The following MACROD1 variants were observed in gnomAD, a reference collection of about 807,000 sequenced individuals.
MACROD1 encodes mono-ADP ribosylhydrolase 1, also known as ADP-ribose glycohydrolase MACROD1.
In MACROD1, 31 loss-of-function variants were observed where a neutral mutation model predicts 41.4. The observed-to-expected ratio is 0.75, with a 90% CI of 0.56 to 1.01. MACROD1 has a LOEUF of 1.01. Ranked by LOEUF, MACROD1 falls within the 50% of genes least tolerant of loss-of-function variation. The probability of loss-of-function intolerance (pLI) is 0.00; values close to 1 mark genes in which losing one functional copy is unlikely to be tolerated. For missense variants in MACROD1, 473 were observed against 460.0 expected (o/e 1.03, Z -0.26); for synonymous variants, 252 against 203.4 (o/e 1.24, Z -2.03).
chr11:64,098,290 C>T lies in MACROD1; in HGVS notation c.517+52949G>A, dbSNP rs1259091544. Among the ~76,000 whole-genome samples, 5 of 152,334 alleles carry T rather than the reference C, an allele frequency of 3.3e-5. No individual in the cohort carries two copies. In the South Asian group the frequency reaches 6.2e-4, roughly 19 times the overall value. The stretch of plus-strand genomic sequence containing the variant: ...CCAGGCTCCGGGCCCTGCTTCAGCT[C>T]GGATCACGGCCCTCCACTCACTCAG... On this transcript the variant is annotated intron_variant, in intron 3 of 10. Transcript: ENST00000255681.
At chr11:64,151,200 G>A (rs1203336630) in intron 3 of MACROD1, 39 bp downstream of exon 3, 1 of 1,552,414 alleles carries the variant, frequency 6.4e-7, no homozygotes, top group South Asian at 1.1e-5. Flanking sequence ...AAAGGCAACA[G>A]GGCGGCCACC....
At chr11:64,117,688 G>A (rs774187338) in intron 3 of MACROD1, 2 of 1,613,632 alleles carry the variant, frequency 1.2e-6, no homozygotes, top group Non-Finnish European at 1.7e-6. Context: ...CTGGGCCACA[G>A]CCCAGCCGTG....
chr11:64,004,426 C>T lies in MACROD1; in HGVS notation c.548-4083G>A, dbSNP rs556742591. ...AGATTAGATATTTAAATTTATTCAG[C>T]AATAAATGCATCTCAGTGGGGGAGC... On this transcript the variant is annotated intron_variant, in intron 4 of 10. Transcript: ENST00000255681. 1.0e-3 allele frequency among the ~76,000 whole-genome samples: 153 copies of T among 152,310 alleles called. 1 individual carries two copies. Among genetic ancestry groups the T allele is most frequent in the Admixed American group, 4.8e-3 (73 of 15,298 alleles).
At chr11:64,130,761 C>T (rs931076537) in intron 3 of MACROD1, among the ~76,000 whole-genome samples, 7 of 152,360 alleles carry the variant, frequency 4.6e-5, no homozygotes, top group East Asian at 1.9e-4. Flanking sequence ...CCTCCCCACC[C>T]GCCACCCTGT....
At chr11:64,077,239 C>T (rs1944218614) in intron 3 of MACROD1, among the ~76,000 whole-genome samples, 1 of 152,204 alleles carries the variant, frequency 6.6e-6, no homozygotes, top group African/African-American at 2.4e-5. Context: ...GCCACAGGGA[C>T]CCAGTGATTC....
chr11:64,018,918 G>T (rs1055883311), intron 3 of MACROD1, among the ~76,000 whole-genome samples: 1 of 152,206 alleles, frequency 6.6e-6, no homozygotes, highest in Non-Finnish European at 1.5e-5. Context: ...TGTGAGGTGG[G>T]GGATGGGCAC....
intron 3 of MACROD1, among the ~76,000 whole-genome samples, chr11:64,137,814 G>A (rs1010902715): frequency 6.6e-6 from 1 of 152,238 alleles, no homozygotes; most frequent in Non-Finnish European, 1.5e-5. Context: ...AGAGTTCCAG[G>A]TGGGACCAGG....
chr11:64,151,696 C>T (rs933804843), intron 2 of MACROD1, among the ~76,000 whole-genome samples: 1 of 152,188 alleles, frequency 6.6e-6, no homozygotes, highest in Non-Finnish European at 1.5e-5. Flanking sequence ...CACCAACACA[C>T]CCCACTGTAA....
intron 3 of MACROD1, among the ~76,000 whole-genome samples, chr11:64,095,706 G>T (rs994563124): frequency 7.9e-5 from 12 of 152,232 alleles, no homozygotes; most frequent in African/African-American, 2.7e-4. Flanking sequence ...AGGAGGGCTG[G>T]GTTTCTAGAT....
intron 3 of MACROD1, among the ~76,000 whole-genome samples, chr11:64,094,941 C>G (rs948278272): frequency 6.6e-6 from 1 of 152,224 alleles, no homozygotes; most frequent in Non-Finnish European, 1.5e-5. Context: ...GGTTTCCCAG[C>G]CCCGTGTGCT....
At chr11:64,000,142 C>A in intron 5 of MACROD1, 85 bp downstream of exon 5, 1 of 1,122,960 alleles carries the variant, frequency 8.9e-7, no homozygotes. Context: ...CCCCAGCACT[C>A]CTGTGGGGGC....
At chr11:64,056,615 A>C (rs1943791212) in intron 3 of MACROD1, among the ~76,000 whole-genome samples, 1 of 152,248 alleles carries the variant, frequency 6.6e-6, no homozygotes, top group Non-Finnish European at 1.5e-5. Flanking sequence ...GGATGGCAGC[A>C]GCCAGGGCTG....
intron 2 of MACROD1, 81 bp downstream of exon 2, chr11:64,152,211 C>A (rs1945590531): frequency 2.6e-6 from 3 of 1,144,548 alleles, no homozygotes; most frequent in Middle Eastern, 1.9e-4. Flanking sequence ...TGCCACTGGA[C>A]TAGCTCTTCT....
intron 3 of MACROD1, among the ~76,000 whole-genome samples, chr11:64,105,498 G>A (rs1369019972): frequency 6.6e-6 from 1 of 152,186 alleles, no homozygotes; most frequent in African/African-American, 2.4e-5. Context: ...TTTCTGCACT[G>A]GGGATGCAGC....
chr11:64,118,080 AC>A, intron 3 of MACROD1: 1 of 1,612,402 alleles, frequency 6.2e-7, no homozygotes, highest in Non-Finnish European at 8.5e-7. Context: ...GGAGTCAGGG[AC>A]CAAGAAGGAT....
At chr11:64,074,609 T>C (rs544109465) in intron 3 of MACROD1, among the ~76,000 whole-genome samples, 2 of 152,276 alleles carry the variant, frequency 1.3e-5, no homozygotes, top group African/African-American at 4.8e-5. Context: ...CCTTCTCCCA[T>C]TGCTGAACTG....
rs757510449 is a variant in MACROD1, at chr11:63,999,733, T to A, written c.695A>T (p.Tyr232Phe). ...AGCCTGACTGGCGCTGGGCTCCCCG[T>A]AGGCGATGGGCCCCACTGTGTGGAT... ...YVIHTVGPIA[Y>F]GEPSASQAAE... Residue 232 changes from tyrosine to phenylalanine, a missense_variant, in exon 6 of 11, where the codon TAC becomes TTC. Physicochemically the swap from Tyr to Phe is conservative, Grantham distance 22. Coordinates refer to ENST00000255681, the MANE Select transcript of MACROD1 (RefSeq NM_014067.4). 1.5e-5 allele frequency: 24 copies of A among 1,607,776 alleles called. 1 individual carries two copies. In the South Asian group the frequency reaches 2.6e-4, roughly 18 times the overall value.
Position 64,022,902 on chromosome 11 carries a change from C to A in MACROD1, c.518-7621G>T, listed in dbSNP as rs539713439. Among the ~76,000 whole-genome samples the A allele has an allele frequency of 5.4e-5, 7 of 129,736 alleles. No homozygotes were observed. In the East Asian group the frequency reaches 1.5e-3, roughly 27 times the overall value. 85.1% of individuals were successfully genotyped at this position (129,736 alleles called of 152,430 possible). A position where few individuals can be genotyped will look rare whatever the true frequency, so the allele number is the denominator to read the frequency against. ...TTTTTTTTTTTTTTTTGAGATGGAG[C>A]CCAGGCTGGAGCACAGTAGTGCGAT... On this transcript the variant is annotated intron_variant, in intron 3 of 10. Coordinates refer to ENST00000255681, the MANE Select transcript of MACROD1 (RefSeq NM_014067.4).
chr11:64,153,963 T>C (rs937685668), intron 1 of MACROD1, among the ~76,000 whole-genome samples: 1 of 151,728 alleles, frequency 6.6e-6, no homozygotes, highest in Non-Finnish European at 1.5e-5. Context: ...TGCCCCCTCC[T>C]CTGCTGTCTC....
Sources: allele counts gnomAD v4.1 joint callset (sites outside exome capture counted in the v4.1 genomes callset), GRCh38; gene constraint gnomAD v4.1.1; transcripts MANE v1.5; gene names NCBI Gene and HGNC (gene_info 2026-07-23, HGNC 2026-07-21).